The following RBBP6 variants were observed in gnomAD, a reference collection of about 807,000 sequenced individuals.
RBBP6 encodes the protein RB binding protein 6, ubiquitin ligase.
In RBBP6, 25 loss-of-function variants were observed where a neutral mutation model predicts 167.7. The ratio of observed to expected loss-of-function variants is 0.15; its 90% CI spans 0.11 to 0.21. RBBP6 has a LOEUF of 0.21. RBBP6 is among the 10% of genes least tolerant of loss of function. The pLI is 1.00. For missense variants in RBBP6, 1,868 were observed against 2,134.2 expected (o/e 0.88, Z 2.46); for synonymous variants, 789 against 735.8 (o/e 1.07, Z -1.17).
At chr16:24,562,866 T>C (rs1353348793) in intron 10 of RBBP6, among the ~76,000 whole-genome samples, 1 of 152,160 alleles carries the variant, frequency 6.6e-6, no homozygotes, top group Non-Finnish European at 1.5e-5. Flanking sequence ...TTCAGTTTAG[T>C]GGTAGAACTA....
intron 7 of RBBP6, among the ~76,000 whole-genome samples, chr16:24,557,694 G>A: frequency 7.0e-6 from 1 of 142,474 alleles, no homozygotes; most frequent in East Asian, 2.0e-4. Context: ...GATCCTCAGG[G>A]CATCAATTTA....
chr16:24,555,712 A>C lies in RBBP6; in HGVS notation c.437+9A>C. 1 of 1,610,348 alleles carries C rather than the reference A, an allele frequency of 6.2e-7. No individual in the cohort carries two copies. Among genetic ancestry groups the C allele is most frequent in the Non-Finnish European group, 8.5e-7 (1 of 1,177,628 alleles). On this transcript the variant is annotated intron_variant, in intron 5 of 17. Coordinates refer to ENST00000319715, the MANE Select transcript of RBBP6 (RefSeq NM_006910.5). ...GAATACGACCCAATCAAGTAAGTTC[A>C]TAAATATTTTATACTAATAGGAACT... is the stretch of plus-strand genomic sequence containing the variant.
In RBBP6 at chr16:24,562,194, A is replaced by G. The variant is rs764055486; in HGVS notation, c.1289+33A>G. 4 of 1,528,060 alleles carry G rather than the reference A, an allele frequency of 2.6e-6. No individual in the cohort carries two copies. The South Asian group carries it at 4.5e-5, about 17-fold the overall frequency. 94.7% of individuals were successfully genotyped at this position (1,528,060 alleles called of 1,614,324 possible). A position where few individuals can be genotyped will look rare whatever the true frequency, so the allele number is the denominator to read the frequency against. ...TGTGTGTTTTTCACTGTTAGAAACCAAATGAGGTCAATGATGTAGTGTTTT... is the reference window on the plus strand; with the variant it reads ...TGTGTGTTTTTCACTGTTAGAAACCGAATGAGGTCAATGATGTAGTGTTTT... On this transcript the variant is annotated intron_variant, in intron 10 of 17. Transcript: ENST00000319715.
chr16:24,540,483 G>T lies in RBBP6; in HGVS notation c.-144G>T, dbSNP rs111573086. On this transcript the variant is annotated 5_prime_UTR_variant, in exon 1 of 18. Coordinates refer to ENST00000319715, the MANE Select transcript of RBBP6 (RefSeq NM_006910.5). ...TTCTGACGAACCCCTGCTTGTGGTT[G>T]GGGGGTATTTAATCTGAGGCCTTAG... is the stretch of plus-strand genomic sequence containing the variant. 1.4e-6 allele frequency: 1 copy of T among 691,028 alleles called. No homozygotes were observed. 42.8% of individuals were successfully genotyped at this position (691,028 alleles called of 1,614,324 possible).
intron 8 of RBBP6, among the ~76,000 whole-genome samples, chr16:24,560,271 T>C (rs1176593066): frequency 6.6e-6 from 1 of 152,110 alleles, no homozygotes; most frequent in African/African-American, 2.4e-5. Flanking sequence ...CACACCCGGC[T>C]AATGTTTTGT....
intron 1 of RBBP6, among the ~76,000 whole-genome samples, chr16:24,544,292 A>T (rs1031765255): frequency 6.6e-6 from 1 of 152,150 alleles, no homozygotes; most frequent in Non-Finnish European, 1.5e-5. Context: ...GCTTCCTCGG[A>T]ATTTGGGGCT....
At position 24,571,870 on chromosome 16, in the gene RBBP6, C is replaced by G; in HGVS notation, c.4804C>G (p.Gln1602Glu). The G allele has an allele frequency of 1.2e-6, 2 of 1,614,054 alleles. No homozygotes were observed. Among genetic ancestry groups the G allele is most frequent in the South Asian group, 2.2e-5 (2 of 91,060 alleles). Residue 1602 changes from glutamine to glutamate, a missense_variant, in exon 18 of 18, where the codon CAA (glutamine) becomes GAA (glutamate). Gln to Glu is a conservative substitution (Grantham distance 29, BLOSUM62 2). This residue lies in a region of RBBP6 where 591 missense variants were observed against 540.5 expected (regional missense o/e 1.09). Transcript: ENST00000319715. ...NPPETQVEKE[Q>E]ITGQIDKSTV... ...ACCAGAGACACAGGTTGAAAAAGAGCAAATTACTGGGCAAATTGACAAGAG... is the reference window on the plus strand; with the variant it reads ...ACCAGAGACACAGGTTGAAAAAGAGGAAATTACTGGGCAAATTGACAAGAG...
At chr16:24,541,679 T>C (rs1033637649) in intron 1 of RBBP6, among the ~76,000 whole-genome samples, 2 of 152,228 alleles carry the variant, frequency 1.3e-5, no homozygotes, top group Non-Finnish European at 2.9e-5. Flanking sequence ...TAACAGTAGA[T>C]AAATGTGACA....
intron 1 of RBBP6, 52 bp downstream of exon 1, chr16:24,540,844 T>C (rs768408005): frequency 2.8e-5 from 44 of 1,571,202 alleles, no homozygotes; most frequent in Non-Finnish European, 3.7e-5. Context: ...AGATACTAGC[T>C]AGAAGGTGCC....
intron 2 of RBBP6, among the ~76,000 whole-genome samples, chr16:24,548,364 G>A (rs113524589): frequency 6.7e-6 from 1 of 148,972 alleles, no homozygotes; most frequent in African/African-American, 2.5e-5. Context: ...CTATGTTACA[G>A]CCCAGGTTAG....
At chr16:24,558,620 C>A in intron 7 of RBBP6, 1 of 646,944 alleles carries the variant, frequency 1.5e-6, no homozygotes, top group Non-Finnish European at 1.9e-6. Flanking sequence ...GAAAGGGTTT[C>A]TCTAGGGATT....
At chr16:24,556,010 C>G in intron 6 of RBBP6, 93 bp downstream of exon 6, 1 of 1,161,716 alleles carries the variant, frequency 8.6e-7, no homozygotes, top group Non-Finnish European at 1.2e-6. Flanking sequence ...ATACTGCCTT[C>G]TGTAGACAAT....
chr16:24,562,480 G>C (rs918346320), intron 10 of RBBP6, among the ~76,000 whole-genome samples: 19 of 152,296 alleles, frequency 1.2e-4, no homozygotes, highest in Admixed American at 3.3e-4. Flanking sequence ...CATAATGATA[G>C]TTTTGGATAG....
chr16:24,567,415 A>C lies in RBBP6; in HGVS notation c.1862A>C (p.Gln621Pro). Residue 621 changes from glutamine (Q) to proline (P), a missense_variant, in exon 15 of 18, where the codon CAG becomes CCG. Transcript: ENST00000319715. ...ACACCTTGGGTATCATCAGGAGTGC[A>C]GACAGCTCATTCAAATACCATCCCA... is the stretch of plus-strand genomic sequence containing the variant. ...LSTPWVSSGV[Q>P]TAHSNTIPTT... The C allele has an allele frequency of 1.1e-5, 17 of 1,614,210 alleles. No homozygotes were observed. The highest frequency in any genetic ancestry group is 1.7e-5 in the Admixed American group (1 of 60,024).
Position 24,539,949 on chromosome 16 carries a change from G to C in RBBP6, c.-678G>C, listed in dbSNP as rs1898439999. The C allele has an allele frequency of 6.5e-6, 1 of 153,044 alleles. No individual in the cohort carries two copies. Among genetic ancestry groups the C allele is most frequent in the Admixed American group, 6.5e-5 (1 of 15,286 alleles). The allele number at this position is 153,044 out of a possible 1,614,324, so 9.5% of individuals were successfully genotyped here. ...GCGGCGGCGGGGGGAGGCGGAGCCG[G>C]GGGCGGCCTGCGGGAAGGCCTCTCC... On this transcript the variant is annotated 5_prime_UTR_variant, in exon 1 of 18. Coordinates refer to ENST00000319715, the MANE Select transcript of RBBP6 (RefSeq NM_006910.5).
chr16:24,545,314 C>T (rs1390656606), intron 1 of RBBP6, among the ~76,000 whole-genome samples: 25 of 152,116 alleles, frequency 1.6e-4, no homozygotes, highest in Admixed American at 1.6e-3. Flanking sequence ...CCTCGTGATC[C>T]GCCCCCCTCA....
intron 3 of RBBP6, chr16:24,549,277 T>C (rs1267259652): frequency 8.2e-7 from 1 of 1,220,436 alleles, no homozygotes. Flanking sequence ...TTAGATCGTT[T>C]AGGTTTTACA....
intron 1 of RBBP6, among the ~76,000 whole-genome samples, chr16:24,544,146 G>T (rs918947358): frequency 1.3e-5 from 2 of 152,110 alleles, no homozygotes; most frequent in African/African-American, 4.8e-5. Context: ...AAGCTGTCTT[G>T]GAAAGCTCTT....
chr16:24,570,990 A>G lies in RBBP6; in HGVS notation c.3924A>G (p.Glu1308=). 1 of 1,612,752 alleles carries G rather than the reference A, an allele frequency of 6.2e-7. No homozygotes were observed. Among genetic ancestry groups the G allele is most frequent in the South Asian group, 1.1e-5 (1 of 91,000 alleles). The change falls in exon 18 of 18, where the codon GAA becomes GAG. Residue 1308 remains glutamate, a synonymous_variant. Transcript: ENST00000319715. The part of the protein sequence containing the change: ...EYNNDNTAPA[E]DVIIMIQVPQ... ...ATAATGACAATACCGCGCCAGCTGA[A>G]GATGTTATCATTATGATTCAGGTTC...
Sources: gnomAD v4.1 joint callset for allele counts (sites outside exome capture counted in the v4.1 genomes callset) on GRCh38, gnomAD v4.1.1 for gene constraint, gnomAD v4.1.1 regional missense constraint, MANE v1.5 for transcripts, NCBI Gene and HGNC (gene_info 2026-07-23, HGNC 2026-07-21) for gene names.